Variants in ARG2 observed in about 807,000 individuals in gnomAD.
The protein encoded by ARG2 is arginase-2, mitochondrial.
ARG2 carries 21 observed loss-of-function variants against 39.4 expected under a neutral mutation model. The ratio of observed to expected loss-of-function variants is 0.53; its 90% CI spans 0.38 to 0.77. The LOEUF is 0.77. Ranked by LOEUF, ARG2 falls within the 30% of genes least tolerant of loss-of-function variation. The pLI is 0.00. For synonymous variants in ARG2, 150 were observed against 156.7 expected (o/e 0.96, Z 0.32); for missense variants, 378 against 426.2 (o/e 0.89, Z 1.00).
chr14:67,642,104 C>T (rs1566803170), intron 2 of ARG2, 82 bp from the exon 3 acceptor site: 8 of 1,310,830 alleles, frequency 6.1e-6, no homozygotes, highest in Middle Eastern at 1.9e-4. Context: ...TACTTTGTCA[C>T]GTATTATCAT....
intron 4 of ARG2, 125 bp from the exon 5 acceptor site, chr14:67,646,519 G>C: frequency 1.4e-6 from 1 of 707,384 alleles, no homozygotes; most frequent in Non-Finnish European, 2.5e-6. Flanking sequence ...TGTGTCCTGT[G>C]TTGCTCTAAA....
At chr14:67,645,103 T>C (rs1329809014) in intron 3 of ARG2, among the ~76,000 whole-genome samples, 1 of 152,154 alleles carries the variant, frequency 6.6e-6, no homozygotes, top group East Asian at 1.9e-4. Flanking sequence ...GTTTACCCTG[T>C]TAATGTCTCC....
intron 2 of ARG2, among the ~76,000 whole-genome samples, chr14:67,626,548 T>G (rs1401024321): frequency 1.3e-5 from 2 of 152,158 alleles, no homozygotes; most frequent in African/African-American, 4.8e-5. Flanking sequence ...AGTCTCGCTC[T>G]TTCACCCAGG....
In ARG2 at chr14:67,630,751, TG is replaced by T. The variant is rs538617857; in HGVS notation, c.184+9786del. Among the ~76,000 whole-genome samples the T allele has an allele frequency of 5.3e-5, 8 of 152,200 alleles. No individual in the cohort carries two copies. In the South Asian group the frequency reaches 1.5e-3, roughly 28 times the overall value. ...CTGCCACTGTGCCCAGCTAATTTTT[TG>T]TATTTTTAGTAGAGATGGAGTTTCA... On this transcript the variant is annotated intron_variant, in intron 2 of 7. Transcript: ENST00000261783.
chr14:67,645,816 A>C lies in ARG2; in HGVS notation c.522+14A>C, dbSNP rs752482896. ...CTACAGGATAAGGTCAGTGGGCCAA[A>C]ACGAAAAGAAAGGTGAATGGCTTGC... On this transcript the variant is annotated intron_variant, in intron 4 of 7. Coordinates refer to ENST00000261783, the MANE Select transcript of ARG2 (RefSeq NM_001172.4). 3 of 1,612,806 alleles carry C rather than the reference A, an allele frequency of 1.9e-6. No homozygotes were observed. Among genetic ancestry groups the C allele is most frequent in the Non-Finnish European group, 1.7e-6 (2 of 1,179,352 alleles).
At chr14:67,643,690 C>T (rs1297982089) in intron 3 of ARG2, among the ~76,000 whole-genome samples, 1 of 151,896 alleles carries the variant, frequency 6.6e-6, no homozygotes, top group African/African-American at 2.4e-5. Context: ...GAAAATATAA[C>T]TTATCCAAGG....
chr14:67,639,902 A>C (rs893097818), intron 2 of ARG2, among the ~76,000 whole-genome samples: 3 of 137,902 alleles, frequency 2.2e-5, no homozygotes, highest in African/African-American at 8.2e-5. Context: ...TCCAGCCTGC[A>C]TGATAGCGCA....
At chr14:67,646,343 A>G (rs1297307916) in intron 4 of ARG2, 1 of 354,534 alleles carries the variant, frequency 2.8e-6, no homozygotes, top group Non-Finnish European at 5.1e-6. Flanking sequence ...GTAATGTGCA[A>G]TGGGATAGAA....
intron 2 of ARG2, among the ~76,000 whole-genome samples, chr14:67,632,610 C>T (rs1390939002): frequency 6.6e-6 from 1 of 152,144 alleles, no homozygotes; most frequent in East Asian, 1.9e-4. Flanking sequence ...GAGGCACTAT[C>T]TCCCTAAATG....
intron 6 of ARG2, 146 bp from the exon 7 acceptor site, chr14:67,647,901 C>A (rs1057200860): frequency 6.5e-6 from 5 of 773,544 alleles, no homozygotes; most frequent in South Asian, 2.0e-5. Flanking sequence ...GAATAGGAAG[C>A]CTGGAAATGT....
In ARG2 at chr14:67,619,977, C is replaced by T. The variant is rs1386448381; in HGVS notation, c.-1C>T. ...CTTGGAGATTCTCAGTGCTGCGGATCATGTCCCTAAGGGGCAGCCTCTCGC... is the reference window on the plus strand; with the variant it reads ...CTTGGAGATTCTCAGTGCTGCGGATTATGTCCCTAAGGGGCAGCCTCTCGC... On this transcript the variant is annotated 5_prime_UTR_variant, in exon 1 of 8. Coordinates refer to ENST00000261783, the MANE Select transcript of ARG2 (RefSeq NM_001172.4). 2.5e-6 allele frequency: 4 copies of T among 1,589,366 alleles called. No homozygotes were observed. Among genetic ancestry groups the T allele is most frequent in the East Asian group, 2.3e-5 (1 of 42,896 alleles).
At chr14:67,620,823 C>A in intron 1 of ARG2, 71 bp from the exon 2 acceptor site, 1 of 1,521,092 alleles carries the variant, frequency 6.6e-7, no homozygotes, top group Non-Finnish European at 9.1e-7. Flanking sequence ...CTGCTGGGAA[C>A]TAAATGTACC....
chr14:67,646,773 G>A, intron 5 of ARG2, 35 bp downstream of exon 5: 1 of 1,552,634 alleles, frequency 6.4e-7, no homozygotes, highest in Admixed American at 1.7e-5. Context: ...TTTAGGGCCT[G>A]TCCTAGCCAA....
Position 67,651,224 on chromosome 14 carries a change from A to G in ARG2, c.*304A>G. 7.2e-7 allele frequency: 1 copy of G among 1,380,048 alleles called. No individual in the cohort carries two copies. The highest frequency in any genetic ancestry group is 9.7e-7 in the Non-Finnish European group (1 of 1,032,054). 85.5% of individuals were successfully genotyped at this position (1,380,048 alleles called of 1,614,324 possible). A position where few individuals can be genotyped will look rare whatever the true frequency, so the allele number is the denominator to read the frequency against. ...TTGTTGCTGTTGTTCCTTCACATTT[A>G]AGTGGTTTTTCATCTTTCCTCCCTC... On this transcript the variant is annotated 3_prime_UTR_variant, in exon 8 of 8. Transcript: ENST00000261783.
chr14:67,634,825 G>A (rs911238344), intron 2 of ARG2, among the ~76,000 whole-genome samples: 1 of 152,198 alleles, frequency 6.6e-6, no homozygotes, highest in Non-Finnish European at 1.5e-5. Flanking sequence ...TTTAACCTTT[G>A]AATAAATTTA....
Position 67,647,103 on chromosome 14 carries a change from T to G in ARG2, c.722+78T>G, listed in dbSNP as rs373436709. The G allele has an allele frequency of 3.9e-4, 371 of 951,032 alleles. 5 individuals are homozygous for G. In the South Asian group the frequency reaches 5.2e-3, roughly 13 times the overall value. The allele number at this position is 951,032 out of a possible 1,614,324, so 58.9% of individuals were successfully genotyped here. ...TAGCCTGTTTCTTGAGGACAGCAGCTTTACTTTTAAAATACAAAGCAAAAA... is the reference window on the plus strand; with the variant it reads ...TAGCCTGTTTCTTGAGGACAGCAGCGTTACTTTTAAAATACAAAGCAAAAA... On this transcript the variant is annotated intron_variant, in intron 6 of 7. Transcript: ENST00000261783.
chr14:67,620,133 C>G (rs1179988259), intron 1 of ARG2, 45 bp downstream of exon 1: 4 of 1,411,764 alleles, frequency 2.8e-6, no homozygotes, highest in Admixed American at 2.2e-5. Flanking sequence ...CCTCCGCCCC[C>G]TAGAACCTGG....
intron 2 of ARG2, among the ~76,000 whole-genome samples, chr14:67,632,808 ATTTTTTTTTTT>A (rs55642854): frequency 1.1e-3 from 70 of 62,416 alleles, no homozygotes; most frequent in African/African-American, 4.2e-3. Flanking sequence ...AAGCCTCTTA[ATTTTTTTTTTT>A]TTTTTTTTTT....
chr14:67,628,220 T>G (rs2036887079), intron 2 of ARG2, among the ~76,000 whole-genome samples: 1 of 152,140 alleles, frequency 6.6e-6, no homozygotes, highest in Non-Finnish European at 1.5e-5. Flanking sequence ...ATATTGCAGA[T>G]TCTTTTATTT....
Sources: gnomAD v4.1 joint callset for allele counts (sites outside exome capture counted in the v4.1 genomes callset) on GRCh38, gnomAD v4.1.1 for gene constraint, MANE v1.5 for transcripts, NCBI Gene and HGNC (gene_info 2026-07-23, HGNC 2026-07-21) for gene names.